TMEM217B: variants seen among roughly 807,000 people sequenced by gnomAD.
TMEM217B encodes the protein transmembrane protein 217B, also known as putative transmembrane protein 217B.
chr6:37,220,068 A>T, the TMEM217B span, among the ~76,000 whole-genome samples: 39 of 152,344 alleles, frequency 2.6e-4, no homozygotes, highest in Middle Eastern at 0.017. Context: ...TTAGAGGGAA[A>T]ATAAGAACTA....
the TMEM217B span, among the ~76,000 whole-genome samples, chr6:37,225,551 G>A: frequency 6.6e-6 from 1 of 152,212 alleles, no homozygotes; most frequent in Non-Finnish European, 1.5e-5. Context: ...GTGGCATACT[G>A]TGGCGTAATT....
the TMEM217B span, among the ~76,000 whole-genome samples, chr6:37,249,814 G>A: frequency 4.6e-5 from 7 of 152,184 alleles, no homozygotes; most frequent in Admixed American, 1.3e-4. Flanking sequence ...GTGTAAAGTA[G>A]TATGACCACT....
the TMEM217B span, among the ~76,000 whole-genome samples, chr6:37,247,789 T>C: frequency 1.3e-5 from 2 of 152,156 alleles, no homozygotes; most frequent in Non-Finnish European, 2.9e-5. Flanking sequence ...TTGAAGGAGC[T>C]TGGGTGTTTA....
At chr6:37,218,427 T>G in the TMEM217B span, 2 of 1,598,792 alleles carry the variant, frequency 1.3e-6, no homozygotes, top group East Asian at 4.5e-5. Context: ...TCCACCTACC[T>G]CTGCCTCTCA....
chr6:37,235,085 A>AG, the TMEM217B span, among the ~76,000 whole-genome samples: 3 of 152,202 alleles, frequency 2.0e-5, no homozygotes, highest in Non-Finnish European at 4.4e-5. Flanking sequence ...GCAATGTGGA[A>AG]GGACAGCTGG....
At chr6:37,253,841 C>T in the TMEM217B span, among the ~76,000 whole-genome samples, 2 of 152,170 alleles carry the variant, frequency 1.3e-5, no homozygotes, top group African/African-American at 4.8e-5. Context: ...TTTTCTCTCC[C>T]TACTCAAGGA....
the TMEM217B span, among the ~76,000 whole-genome samples, chr6:37,213,634 C>T: frequency 6.6e-6 from 1 of 152,244 alleles, no homozygotes; most frequent in South Asian, 2.1e-4. Context: ...GCCCAGCAGG[C>T]AGACCTCCAG....
At chr6:37,216,030 TGTGA>T in the TMEM217B span, among the ~76,000 whole-genome samples, 153 of 128,202 alleles carry the variant, frequency 1.2e-3, 1 homozygote, top group Admixed American at 3.1e-3. Context: ...TGTGTGTGTG[TGTGA>T]GAAACAGATA....
At chr6:37,239,657 T>C in the TMEM217B span, among the ~76,000 whole-genome samples, 515 of 152,298 alleles carry the variant, frequency 3.4e-3, 2 homozygotes, top group African/African-American at 0.011. Context: ...TATTTTCAAT[T>C]GCTCTCATCA....
the TMEM217B span, among the ~76,000 whole-genome samples, chr6:37,245,260 C>T: frequency 6.6e-6 from 1 of 152,220 alleles, no homozygotes; most frequent in African/African-American, 2.4e-5. Flanking sequence ...AGAGCTGGGT[C>T]ACTGAAGACA....
chr6:37,214,881 C>T, the TMEM217B span, among the ~76,000 whole-genome samples: 3 of 152,184 alleles, frequency 2.0e-5, no homozygotes, highest in Non-Finnish European at 4.4e-5. Flanking sequence ...ACTGATGCTT[C>T]CCCGTCTGCA....
chr6:37,257,928 A>G, the TMEM217B span: 1 of 1,614,056 alleles, frequency 6.2e-7, no homozygotes, highest in Non-Finnish European at 8.5e-7. Context: ...ATGGCCGCTG[A>G]GAACAGCAAG....
the TMEM217B span, among the ~76,000 whole-genome samples, chr6:37,234,102 CTTTTTTT>C: frequency 3.1e-5 from 4 of 127,784 alleles, no homozygotes; most frequent in Non-Finnish European, 3.4e-5. Flanking sequence ...TATTAAATGC[CTTTTTTT>C]TTTTTTTTTT....
chr6:37,224,953 T>A, the TMEM217B span, among the ~76,000 whole-genome samples: 1 of 150,958 alleles, frequency 6.6e-6, no homozygotes, highest in African/African-American at 2.4e-5. Flanking sequence ...CTGAGGCAGG[T>A]GAATTGCTTG....
At chr6:37,226,790 ACCTCATG>A in the TMEM217B span, among the ~76,000 whole-genome samples, 150,947 of 152,150 alleles carry the variant, frequency 0.99, 74,885 homozygotes, top group Middle Eastern at 1. Context: ...CGAACTTCTG[ACCTCATG>A]CCTCATGATC....
At chr6:37,254,201 A>G in the TMEM217B span, among the ~76,000 whole-genome samples, 1 of 152,308 alleles carries the variant, frequency 6.6e-6, no homozygotes, top group Non-Finnish European at 1.5e-5. Flanking sequence ...CTGAATCAGA[A>G]TCTAGGTTTT....
chr6:37,248,663 G>C, the TMEM217B span, among the ~76,000 whole-genome samples: 1 of 152,248 alleles, frequency 6.6e-6, no homozygotes, highest in East Asian at 1.9e-4. Flanking sequence ...CAATTACTAG[G>C]AGTCTCTTTA....
chr6:37,218,212 C>A, the TMEM217B span: 1 of 1,280,216 alleles, frequency 7.8e-7, no homozygotes, highest in Non-Finnish European at 9.9e-7. Flanking sequence ...CTCTGTCACT[C>A]AGGCTGAAGT....
the TMEM217B span, among the ~76,000 whole-genome samples, chr6:37,249,276 A>G: frequency 6.6e-6 from 1 of 152,188 alleles, no homozygotes; most frequent in Admixed American, 6.5e-5. Flanking sequence ...ATGGCAATAG[A>G]AAGGAAGAAA....
Sources: gnomAD v4.1 joint callset for allele counts (sites outside exome capture counted in the v4.1 genomes callset) on GRCh38, gnomAD v4.1.1 for gene constraint, MANE v1.5 for transcripts, NCBI Gene and HGNC (gene_info 2026-07-23, HGNC 2026-07-21) for gene names.